Variants in CALCOCO2 observed in about 807,000 individuals in gnomAD.
CALCOCO2 encodes calcium binding and coiled-coil domain 2.
Under a neutral mutation model 62.5 loss-of-function variants are expected in CALCOCO2, and 42 were observed. The ratio of observed to expected loss-of-function variants is 0.67; its 90% CI spans 0.53 to 0.87. The LOEUF is 0.87. CALCOCO2 is among the 40% of genes least tolerant of loss of function. CALCOCO2 has a pLI of 0.00. For synonymous variants in CALCOCO2, 167 were observed against 173.0 expected (o/e 0.97, Z 0.27); for missense variants, 456 against 515.0 (o/e 0.89, Z 1.11).
chr17:48,860,397 T>C lies in CALCOCO2; in HGVS notation c.1092T>C (p.Asp364=). ...NSLPYQVPTS[D]EGGARQNPGL... ...TGCCGTATCAAGTACCTACTTCAGATGAAGGAGGCGCAAGACAAAATCCAG... is the reference window on the plus strand; with the variant it reads ...TGCCGTATCAAGTACCTACTTCAGACGAAGGAGGCGCAAGACAAAATCCAG... The change falls in exon 11 of 13, where the codon GAT becomes GAC. Residue 364 remains aspartate, a synonymous_variant. Transcript: ENST00000258947. 2 of 1,613,976 alleles carry C rather than the reference T, an allele frequency of 1.2e-6. No individual in the cohort carries two copies. The highest frequency in any genetic ancestry group is 1.7e-6 in the Non-Finnish European group (2 of 1,179,830).
At chr17:48,833,423 C>T (rs80022587) in intron 1 of CALCOCO2, among the ~76,000 whole-genome samples, 1 of 151,706 alleles carries the variant, frequency 6.6e-6, no homozygotes, top group Non-Finnish European at 1.5e-5. Context: ...GACATGGTGG[C>T]ACATGCATGT....
intron 4 of CALCOCO2, 40 bp downstream of exon 4, chr17:48,848,495 C>G (rs199818139): frequency 2.5e-6 from 4 of 1,579,942 alleles, no homozygotes. Context: ...ACTGCCATTA[C>G]GGGTAGCAAT....
intron 1 of CALCOCO2, among the ~76,000 whole-genome samples, chr17:48,834,551 T>C (rs1214519139): frequency 6.6e-6 from 1 of 152,238 alleles, no homozygotes; most frequent in African/African-American, 2.4e-5. Flanking sequence ...AAAATACCAC[T>C]TTATAATTTC....
intron 5 of CALCOCO2, 31 bp downstream of exon 5, chr17:48,849,408 G>A (rs752781515): frequency 6.2e-7 from 1 of 1,605,344 alleles, no homozygotes; most frequent in Non-Finnish European, 8.5e-7. Flanking sequence ...TGACCTTGGA[G>A]CATGGAGATC....
At chr17:48,861,969 A>G (rs1166016931) in intron 11 of CALCOCO2, among the ~76,000 whole-genome samples, 1 of 151,308 alleles carries the variant, frequency 6.6e-6, no homozygotes, top group Non-Finnish European at 1.5e-5. Context: ...GAATTGCTTG[A>G]ACCCAGGAGA....
chr17:48,835,066 C>T (rs1468261299), intron 1 of CALCOCO2, among the ~76,000 whole-genome samples: 1 of 151,882 alleles, frequency 6.6e-6, no homozygotes, highest in South Asian at 2.1e-4. Flanking sequence ...AAATAATTCT[C>T]TTTACATATC....
intron 9 of CALCOCO2, among the ~76,000 whole-genome samples, chr17:48,854,855 C>G (rs1257419194): frequency 2.0e-5 from 3 of 152,136 alleles, no homozygotes; most frequent in Non-Finnish European, 4.4e-5. Context: ...AAGAAAGCGG[C>G]ACTAACTGTG....
At chr17:48,849,208 G>A (rs764663806) in intron 4 of CALCOCO2, 44 bp from the exon 5 acceptor site, 5 of 1,602,564 alleles carry the variant, frequency 3.1e-6, no homozygotes, top group Admixed American at 3.4e-5. Flanking sequence ...GGAATTTTCT[G>A]CTAGAGGGAC....
intron 2 of CALCOCO2, among the ~76,000 whole-genome samples, chr17:48,842,962 T>C (rs1213916540): frequency 1.3e-5 from 2 of 152,236 alleles, no homozygotes; most frequent in Non-Finnish European, 2.9e-5. Context: ...CTGAGATGGC[T>C]GACCTCATAT....
chr17:48,848,743 T>C, intron 4 of CALCOCO2: 1 of 557,384 alleles, frequency 1.8e-6, no homozygotes, highest in South Asian at 1.6e-5. Context: ...CTTATCACAA[T>C]GGTAAATGTA....
At chr17:48,847,167 T>C (rs756915387) in intron 2 of CALCOCO2, among the ~76,000 whole-genome samples, 9 of 152,162 alleles carry the variant, frequency 5.9e-5, no homozygotes, top group Middle Eastern at 3.2e-3. Context: ...GAATCTCTTA[T>C]CTGGTGCCTC....
intron 10 of CALCOCO2, among the ~76,000 whole-genome samples, chr17:48,858,162 T>C (rs1449687876): frequency 1.3e-5 from 2 of 151,762 alleles, no homozygotes; most frequent in East Asian, 1.9e-4. Flanking sequence ...AACTTTTCCA[T>C]CTTGCAACAT....
intron 9 of CALCOCO2, among the ~76,000 whole-genome samples, chr17:48,854,621 G>A (rs1028817200): frequency 6.6e-6 from 1 of 150,470 alleles, no homozygotes; most frequent in Non-Finnish European, 1.5e-5. Flanking sequence ...GGCTAGGCTG[G>A]TCTCAAACTC....
At chr17:48,843,684 A>G (rs924135748) in intron 2 of CALCOCO2, among the ~76,000 whole-genome samples, 1 of 152,202 alleles carries the variant, frequency 6.6e-6, no homozygotes, top group East Asian at 1.9e-4. Flanking sequence ...CCAACCCACC[A>G]GAGTGTTTTC....
intron 1 of CALCOCO2, among the ~76,000 whole-genome samples, chr17:48,835,893 G>A (rs1305741341): frequency 6.6e-6 from 1 of 152,024 alleles, no homozygotes; most frequent in African/African-American, 2.4e-5. Flanking sequence ...TGGATTACAG[G>A]CGCCTACCAC....
At chr17:48,842,166 T>C (rs1432654101) in intron 2 of CALCOCO2, 2 of 192,388 alleles carry the variant, frequency 1.0e-5, no homozygotes, top group African/African-American at 4.7e-5. Context: ...TTTTTTTTTT[T>C]TTTTTTTGAA....
intron 1 of CALCOCO2, among the ~76,000 whole-genome samples, chr17:48,836,252 C>T (rs1429130222): frequency 6.6e-6 from 1 of 152,076 alleles, no homozygotes; most frequent in Admixed American, 6.6e-5. Flanking sequence ...GGCACCATGC[C>T]ACTTGAACCA....
rs1019433488 is a variant in CALCOCO2, at chr17:48,846,391, G to C, written c.181-1673G>C. The C allele has an allele frequency of 5.3e-6, 4 of 755,476 alleles. No homozygotes were observed. The African/African-American group carries it at 7.0e-5, about 13-fold the overall frequency. The allele number at this position is 755,476 out of a possible 1,614,324, so 46.8% of individuals were successfully genotyped here. A position where few individuals can be genotyped will look rare whatever the true frequency, so the allele number is the denominator to read the frequency against. The stretch of plus-strand genomic sequence containing the variant: ...TGGAGCCTAAAGCAGGAAGCAGTCT[G>C]CTTTCCTTCCCTCAGTGTATAATCC... On this transcript the variant is annotated intron_variant, in intron 2 of 12. Transcript: ENST00000258947.
intron 10 of CALCOCO2, among the ~76,000 whole-genome samples, chr17:48,856,926 G>C (rs1038653794): frequency 1.3e-5 from 2 of 151,736 alleles, no homozygotes; most frequent in Non-Finnish European, 2.9e-5. Flanking sequence ...AGCCTCCCAA[G>C]TAGCTGGGAC....
Sources: allele counts gnomAD v4.1 joint callset (sites outside exome capture counted in the v4.1 genomes callset), GRCh38; gene constraint gnomAD v4.1.1; transcripts MANE v1.5; gene names NCBI Gene and HGNC (gene_info 2026-07-23, HGNC 2026-07-21).